The following CFAP299 variants were observed in gnomAD, a reference collection of about 807,000 sequenced individuals.
CFAP299 encodes the protein cilia and flagella associated protein 299.
CFAP299 carries 21 observed loss-of-function variants against 27.0 expected under a neutral mutation model. The observed-to-expected ratio is 0.78, with a 90% CI of 0.55 to 1.12. The LOEUF (loss-of-function observed/expected upper bound fraction) is 1.12, where lower values mean the gene tolerates loss of function less well. Ranked by LOEUF, CFAP299 falls within the 50% of genes most tolerant of loss-of-function variation. The probability of loss-of-function intolerance (pLI) is 0.00; values close to 1 mark genes in which losing one functional copy is unlikely to be tolerated. For synonymous variants in CFAP299, 104 were observed against 98.1 expected (o/e 1.06, Z -0.36); for missense variants, 310 against 276.6 (o/e 1.12, Z -0.86).
chr4:80,918,332 C>T (rs1735862214), intron 4 of CFAP299, among the ~76,000 whole-genome samples: 3 of 152,118 alleles, frequency 2.0e-5, no homozygotes, highest in African/African-American at 7.2e-5. Flanking sequence ...AGTGAATTTT[C>T]CTCCACTGTA....
chr4:80,629,651 G>T lies in CFAP299; in HGVS notation c.333+46468G>T, dbSNP rs200625830. 7.9e-5 allele frequency among the ~76,000 whole-genome samples: 12 copies of T among 152,086 alleles called. 1 individual carries two copies. The East Asian group carries it at 2.3e-3, about 29-fold the overall frequency. Reference sequence around the variant, plus strand: ...CCCCAACACTTTGGGAGGCCGAGATGGGCGGATCACTTGAGGTCAGGAGTT... The same window carrying T: ...CCCCAACACTTTGGGAGGCCGAGATTGGCGGATCACTTGAGGTCAGGAGTT... On this transcript the variant is annotated intron_variant, in intron 3 of 5. Coordinates refer to ENST00000358105, the MANE Select transcript of CFAP299 (RefSeq NM_152770.3).
At chr4:80,629,879 A>C (rs1023846594) in intron 3 of CFAP299, among the ~76,000 whole-genome samples, 14 of 79,932 alleles carry the variant, frequency 1.8e-4, no homozygotes, top group East Asian at 3.3e-4. Flanking sequence ...TGGAAAAAAA[A>C]AAAAACAAAA....
intron 3 of CFAP299, among the ~76,000 whole-genome samples, chr4:80,832,338 T>A (rs1730341505): frequency 6.6e-6 from 1 of 152,154 alleles, no homozygotes; most frequent in African/African-American, 2.4e-5. Context: ...TGTCTTTAAC[T>A]ATTTCTTTCT....
chr4:80,917,261 G>A (rs1014514165), intron 4 of CFAP299, among the ~76,000 whole-genome samples: 5 of 151,956 alleles, frequency 3.3e-5, no homozygotes, highest in Non-Finnish European at 5.9e-5. Flanking sequence ...GTACTATTTC[G>A]CAGATAACCG....
At chr4:80,665,217 T>C (rs923285852) in intron 3 of CFAP299, among the ~76,000 whole-genome samples, 1 of 152,222 alleles carries the variant, frequency 6.6e-6, no homozygotes, top group African/African-American at 2.4e-5. Context: ...TTATTTTCTG[T>C]ATATTTTGGA....
chr4:80,599,854 A>G (rs1464834347), intron 3 of CFAP299, among the ~76,000 whole-genome samples: 1 of 152,130 alleles, frequency 6.6e-6, no homozygotes, highest in Admixed American at 6.6e-5. Context: ...ACCAAATCAT[A>G]ATATGGGCCT....
chr4:80,900,123 A>AGAGTGTGTGTGTGTGTGT (rs1553904499), intron 4 of CFAP299, among the ~76,000 whole-genome samples: 43 of 139,792 alleles, frequency 3.1e-4, no homozygotes, highest in African/African-American at 1.2e-3. Context: ...AGTGGAAGAA[A>AGAGTGTGTGTGTGTGTGT]GTGTGTGTGT....
chr4:80,517,743 T>G (rs1732656123), intron 2 of CFAP299, among the ~76,000 whole-genome samples: 1 of 152,160 alleles, frequency 6.6e-6, no homozygotes, highest in Non-Finnish European at 1.5e-5. Flanking sequence ...TACTTATTTC[T>G]CTACCAAGGT....
chr4:80,443,144 C>T (rs1183214256), intron 2 of CFAP299, among the ~76,000 whole-genome samples: 1 of 152,142 alleles, frequency 6.6e-6, no homozygotes, highest in African/African-American at 2.4e-5. Context: ...TGAAACTATT[C>T]CAAACAATAG....
chr4:80,609,622 T>C (rs536492176), intron 3 of CFAP299, among the ~76,000 whole-genome samples: 1 of 152,174 alleles, frequency 6.6e-6, no homozygotes, highest in South Asian at 2.1e-4. Flanking sequence ...AAGGCCAAAG[T>C]AATAATGGAA....
At chr4:80,597,768 C>T (rs1484390073) in intron 3 of CFAP299, among the ~76,000 whole-genome samples, 1 of 152,070 alleles carries the variant, frequency 6.6e-6, no homozygotes, top group Non-Finnish European at 1.5e-5. Flanking sequence ...CTCACTACAA[C>T]CTCCTGCTTC....
chr4:80,492,533 T>C (rs1731191672), intron 2 of CFAP299, among the ~76,000 whole-genome samples: 1 of 152,156 alleles, frequency 6.6e-6, no homozygotes, highest in African/African-American at 2.4e-5. Flanking sequence ...AGAGAAAATA[T>C]AGGGACTTGG....
intron 3 of CFAP299, among the ~76,000 whole-genome samples, chr4:80,813,059 A>G (rs1729236572): frequency 6.6e-6 from 1 of 152,098 alleles, no homozygotes; most frequent in South Asian, 2.1e-4. Context: ...AAAATATTTT[A>G]GCTGAACACT....
chr4:80,677,348 CTGT>C (rs978564786), intron 3 of CFAP299, among the ~76,000 whole-genome samples: 51 of 151,960 alleles, frequency 3.4e-4, no homozygotes, highest in African/African-American at 1.2e-3. Flanking sequence ...GCATTATTTT[CTGT>C]TGTTTCTCCT....
At chr4:80,556,353 A>G (rs1011249789) in intron 2 of CFAP299, among the ~76,000 whole-genome samples, 2 of 152,100 alleles carry the variant, frequency 1.3e-5, no homozygotes, top group African/African-American at 2.4e-5. Flanking sequence ...TAAGACAGCT[A>G]TGAAGACATG....
intron 2 of CFAP299, among the ~76,000 whole-genome samples, chr4:80,481,195 G>A (rs1187417370): frequency 2.0e-5 from 3 of 151,892 alleles, no homozygotes; most frequent in Non-Finnish European, 4.4e-5. Flanking sequence ...TCAGACAAGG[G>A]TACCAGTACT....
intron 2 of CFAP299, among the ~76,000 whole-genome samples, chr4:80,372,511 A>T (rs1248884903): frequency 6.6e-6 from 1 of 152,224 alleles, no homozygotes; most frequent in Non-Finnish European, 1.5e-5. Context: ...GAGAAAATAT[A>T]TTTCTGTTTT....
chr4:80,567,390 A>T (rs1261830222), intron 2 of CFAP299, among the ~76,000 whole-genome samples: 1 of 152,208 alleles, frequency 6.6e-6, no homozygotes, highest in East Asian at 1.9e-4. Flanking sequence ...ATATAAATTG[A>T]TGACCTCTTG....
intron 3 of CFAP299, among the ~76,000 whole-genome samples, chr4:80,799,619 T>A (rs1379205419): frequency 1.9e-4 from 7 of 37,150 alleles, no homozygotes; most frequent in African/African-American, 2.3e-4. Context: ...ATATTATATA[T>A]TTATAAATAT....
Sources: gnomAD v4.1 joint callset for allele counts (sites outside exome capture counted in the v4.1 genomes callset) on GRCh38, gnomAD v4.1.1 for gene constraint, MANE v1.5 for transcripts, NCBI Gene and HGNC (gene_info 2026-07-23, HGNC 2026-07-21) for gene names.